BACE1: variants seen among roughly 807,000 people sequenced by gnomAD.
BACE1 encodes APP beta-secretase.
A neutral mutation model predicts 54.0 loss-of-function variants in BACE1; 21 were observed. The observed-to-expected ratio is 0.39, with a 90% CI of 0.28 to 0.56. The LOEUF (loss-of-function observed/expected upper bound fraction) is 0.56. BACE1 is among the 20% of genes least tolerant of loss of function. The pLI, the probability that BACE1 is intolerant of heterozygous loss-of-function variation, is 0.63. For missense variants in BACE1, 511 were observed against 661.2 expected, an observed-to-expected ratio of 0.77 and a Z score of 2.49; for synonymous variants, 232 against 260.9, an observed-to-expected ratio of 0.89 and a Z score of 1.07.
chr11:117,295,530 A>G (rs556769195), intron 2 of BACE1, 183 bp from the exon 3 acceptor site: 9 of 1,535,838 alleles, frequency 5.9e-6, no homozygotes, highest in African/African-American at 1.4e-5. Context: ...GGGCTTGCAG[A>G]TAGATGAAGG....
chr11:117,295,398 G>T (rs1212361987), intron 2 of BACE1, 51 bp from the exon 3 acceptor site: 21 of 1,596,394 alleles, frequency 1.3e-5, no homozygotes, highest in Non-Finnish European at 1.5e-5. Flanking sequence ...ACTGGTATAA[G>T]GATCTAAGTT....
intron 1 of BACE1, among the ~76,000 whole-genome samples, chr11:117,310,415 G>T (rs1225622850): frequency 6.6e-6 from 1 of 152,078 alleles, no homozygotes; most frequent in African/African-American, 2.4e-5. Flanking sequence ...AAATTAAAAA[G>T]ACATTGTCCT....
In BACE1 at chr11:117,296,888, T is replaced by C; in HGVS notation, c.335A>G (p.Tyr112Cys). The C allele has an allele frequency of 6.2e-7, 1 of 1,613,362 alleles. No individual in the cohort carries two copies. The highest frequency in any genetic ancestry group is 1.1e-5 in the South Asian group (1 of 90,950). Residue 112 changes from tyrosine (Y) to cysteine (C), a missense_variant, in exon 2 of 9, where the codon TAC becomes TGC. Tyr to Cys is a radical substitution (Grantham distance 194). This residue lies in a region of BACE1 where 407 missense variants were observed against 565.7 expected (regional missense o/e 0.72). Transcript: ENST00000313005. ...CAGGACTCACAGCTGCCTCTGGTAGTAGCGATGCAGGAAGGGGTGGGGGGC... is the reference window on the plus strand; with the variant it reads ...CAGGACTCACAGCTGCCTCTGGTAGCAGCGATGCAGGAAGGGGTGGGGGGC... ...GAAPHPFLHR[Y>C]YQRQLSSTYR... is the part of the protein sequence containing the mutation.
chr11:117,299,648 C>G, intron 1 of BACE1: 1 of 404,570 alleles, frequency 2.5e-6, no homozygotes, highest in Non-Finnish European at 4.9e-6. Context: ...CTTCCCCTAC[C>G]TCTACCCGTG....
chr11:117,288,449 G>A lies in BACE1; in HGVS notation c.*1117C>T, dbSNP rs2034322248. 1 of 152,630 alleles carries A rather than the reference G, an allele frequency of 6.6e-6. No homozygotes were observed. Among genetic ancestry groups the A allele is most frequent in the Non-Finnish European group, 1.5e-5 (1 of 68,038 alleles). 9.5% of individuals were successfully genotyped at this position (152,630 alleles called of 1,614,324 possible). ...GGTTATAGGGCATCAGCTGTTGAAT[G>A]AATGTTCAACATTATGCTTTTAAGG... is the stretch of plus-strand genomic sequence containing the variant. On this transcript the variant is annotated 3_prime_UTR_variant, in exon 9 of 9. Coordinates refer to ENST00000313005, the MANE Select transcript of BACE1 (RefSeq NM_012104.6).
At chr11:117,313,371 G>T (rs1026938792) in intron 1 of BACE1, among the ~76,000 whole-genome samples, 2 of 152,226 alleles carry the variant, frequency 1.3e-5, no homozygotes, top group Non-Finnish European at 2.9e-5. Context: ...GTACTGGGCT[G>T]CAGGATGTAT....
chr11:117,311,421 C>T (rs2034940621), intron 1 of BACE1, among the ~76,000 whole-genome samples: 2 of 152,072 alleles, frequency 1.3e-5, no homozygotes. Context: ...TCCAGTTCAC[C>T]CCAGATCAGA....
chr11:117,301,361 C>T (rs904495560), intron 1 of BACE1, among the ~76,000 whole-genome samples: 1 of 152,162 alleles, frequency 6.6e-6, no homozygotes, highest in South Asian at 2.1e-4. Flanking sequence ...GAGGCCAAGG[C>T]GAGAGGATCA....
intron 1 of BACE1, among the ~76,000 whole-genome samples, chr11:117,314,971 T>G (rs2035054398): frequency 6.6e-6 from 1 of 152,016 alleles, no homozygotes; most frequent in Non-Finnish European, 1.5e-5. Flanking sequence ...GGCAGGAGCC[T>G]GTCCAGGGCT....
intron 7 of BACE1, 22 bp downstream of exon 7, chr11:117,290,878 C>T: frequency 1.2e-6 from 2 of 1,611,174 alleles, no homozygotes; most frequent in Non-Finnish European, 1.7e-6. Context: ...GAGAGATCCC[C>T]CTGACTCAGG....
At chr11:117,310,581 T>G (rs550461461) in intron 1 of BACE1, among the ~76,000 whole-genome samples, 1 of 152,246 alleles carries the variant, frequency 6.6e-6, no homozygotes, top group East Asian at 1.9e-4. Flanking sequence ...CCACCACGCC[T>G]GGCTAATTTT....
In BACE1 at chr11:117,287,166, C is replaced by G. The variant is rs929903403; in HGVS notation, c.*2400G>C. ...AAAGACCCTGGAAAGCCCACTCTTG[C>G]AGGAGGATAAGTGTTTTGGAGAGTT... On this transcript the variant is annotated 3_prime_UTR_variant, in exon 9 of 9. Coordinates refer to ENST00000313005, the MANE Select transcript of BACE1 (RefSeq NM_012104.6). The G allele has an allele frequency of 1.3e-5, 2 of 152,170 alleles. No homozygotes were observed. Among genetic ancestry groups the G allele is most frequent in the Admixed American group, 6.5e-5 (1 of 15,268 alleles). 9.4% of individuals were successfully genotyped at this position (152,170 alleles called of 1,614,324 possible).
chr11:117,311,298 C>G (rs149232941), intron 1 of BACE1, among the ~76,000 whole-genome samples: 46 of 152,248 alleles, frequency 3.0e-4, no homozygotes, highest in African/African-American at 8.7e-4. Context: ...TGTACTCCAG[C>G]CTGGGCAACA....
At chr11:117,299,103 G>A (rs2034665182) in intron 1 of BACE1, among the ~76,000 whole-genome samples, 1 of 152,142 alleles carries the variant, frequency 6.6e-6, no homozygotes, top group South Asian at 2.1e-4. Context: ...CCGGCCTCTA[G>A]CATCACTTCT....
At position 117,294,027 on chromosome 11, in the gene BACE1, A is replaced by G. The variant is rs374888391; in HGVS notation, c.568-19T>C. On this transcript the variant is annotated intron_variant, in intron 3 of 8. Coordinates refer to ENST00000313005, the MANE Select transcript of BACE1 (RefSeq NM_012104.6). ...CGTCAGGCTTTGGCAGAAAGAGACA[A>G]GGAGTGAGTCCTCATACGGCCCTAA... 100 of 1,611,732 alleles carry G rather than the reference A, an allele frequency of 6.2e-5. No individual in the cohort carries two copies. The African/African-American group carries it at 1.1e-3, about 18-fold the overall frequency.
At chr11:117,296,681 C>A (rs1381651118) in intron 2 of BACE1, among the ~76,000 whole-genome samples, 192 bp downstream of exon 2, 3 of 152,176 alleles carry the variant, frequency 2.0e-5, no homozygotes, top group African/African-American at 7.2e-5. Flanking sequence ...TTCACCCTTT[C>A]CCATGGTATA....
At chr11:117,313,935 G>A (rs2035012722) in intron 1 of BACE1, among the ~76,000 whole-genome samples, 1 of 152,160 alleles carries the variant, frequency 6.6e-6, no homozygotes, top group African/African-American at 2.4e-5. Flanking sequence ...TGCAAAGGAG[G>A]TCTCATTTCC....
intron 3 of BACE1, among the ~76,000 whole-genome samples, chr11:117,294,775 C>T (rs1404738034): frequency 6.6e-6 from 1 of 151,632 alleles, no homozygotes. Flanking sequence ...ATCCCAGCTA[C>T]TCGGGAGGCT....
At position 117,293,281 on chromosome 11, in the gene BACE1, G is replaced by T; in HGVS notation, c.706-93C>A. On this transcript the variant is annotated intron_variant, in intron 4 of 8. Transcript: ENST00000313005. The surrounding 1 kb of genome is among the most constrained non-coding windows in gnomAD (Gnocchi z 4.1). Reference sequence around the variant, plus strand: ...GCAATAAGATCAGTGATTTCTTGGGGTGGCAAGGTCTTCTACAGGCTACCC... The same window carrying T: ...GCAATAAGATCAGTGATTTCTTGGGTTGGCAAGGTCTTCTACAGGCTACCC... 2.9e-6 allele frequency: 4 copies of T among 1,403,246 alleles called. No homozygotes were observed. The Admixed American group carries it at 6.3e-5, about 22-fold the overall frequency. The allele number at this position is 1,403,246 out of a possible 1,614,324, so 86.9% of individuals were successfully genotyped here.
Sources: gnomAD v4.1 joint callset for allele counts (sites outside exome capture counted in the v4.1 genomes callset) on GRCh38, gnomAD v4.1.1 for gene constraint, gnomAD v4.1.1 regional missense constraint, Gnocchi (gnomAD v3.1) non-coding constraint, MANE v1.5 for transcripts, NCBI Gene and HGNC (gene_info 2026-07-23, HGNC 2026-07-21) for gene names.